Variants in SEMA3B observed in about 807,000 individuals in gnomAD.
SEMA3B encodes the protein semaphorin-3B.
Under a neutral mutation model 77.8 loss-of-function variants are expected in SEMA3B, and 71 were observed. The ratio of observed to expected loss-of-function variants is 0.91; its 90% CI spans 0.75 to 1.11. The LOEUF (loss-of-function observed/expected upper bound fraction) is 1.11. Among genes scored for constraint, SEMA3B ranks in the 50% most tolerant of loss-of-function variants. The probability of loss-of-function intolerance (pLI) is 0.00; values close to 1 mark genes in which losing one functional copy is unlikely to be tolerated. For missense variants in SEMA3B, 968 were observed against 1,056.8 expected, an observed-to-expected ratio of 0.92 and a Z score of 1.17; for synonymous variants, 470 against 452.9, an observed-to-expected ratio of 1.04 and a Z score of -0.48.
chr3:50,273,070 A>C lies in SEMA3B; in HGVS notation c.665-228A>C. The stretch of plus-strand genomic sequence containing the variant: ...GGGCTTCACGCCTGCGCCCCCAGGT[A>C]GCCACGGTCTCTGCTGCCCCCTCGC... On this transcript the variant is annotated intron_variant, in intron 6 of 16. Coordinates refer to ENST00000616701, the MANE Select transcript of SEMA3B (RefSeq NM_001290060.2). This position sits in a 1 kb window ranked among gnomAD's most constrained non-coding sequence, Gnocchi z 6.5. 1 of 575,310 alleles carries C rather than the reference A, an allele frequency of 1.7e-6. No homozygotes were observed. The highest frequency in any genetic ancestry group is 2.9e-6 in the Non-Finnish European group (1 of 344,880). The allele number at this position is 575,310 out of a possible 1,614,324, so 35.6% of individuals were successfully genotyped here.
At chr3:50,263,039 T>A (rs782326389), upstream of SEMA3B, 4 of 152,122 alleles carry the variant, frequency 2.6e-5, no homozygotes, top group Non-Finnish European at 5.9e-5. Context: ...AGAAGACGGG[T>A]GACAGCCAAG....
At position 50,274,816 on chromosome 3, in the gene SEMA3B, G is replaced by T. The variant is rs372978569; in HGVS notation, c.1358-27G>T. 4.2e-5 allele frequency: 67 copies of T among 1,606,168 alleles called. No individual in the cohort carries two copies. The African/African-American group carries it at 8.7e-4, about 21-fold the overall frequency. ...GCCCCAGCTGTCCGGGAGCACCAAT[G>T]GTCATTACCCCTTCTCATCCCTGCA... On this transcript the variant is annotated intron_variant, in intron 11 of 16. Transcript: ENST00000616701. This position sits in a 1 kb window ranked among gnomAD's most constrained non-coding sequence, Gnocchi z 4.7.
In SEMA3B at chr3:50,275,180, G is replaced by C; in HGVS notation, c.1492-122G>C. 2 of 1,460,330 alleles carry C rather than the reference G, an allele frequency of 1.4e-6. No individual in the cohort carries two copies. Among genetic ancestry groups the C allele is most frequent in the Non-Finnish European group, 1.8e-6 (2 of 1,099,762 alleles). 90.5% of individuals were successfully genotyped at this position (1,460,330 alleles called of 1,614,324 possible). On this transcript the variant is annotated intron_variant, in intron 13 of 16. Coordinates refer to ENST00000616701, the MANE Select transcript of SEMA3B (RefSeq NM_001290060.2). This position sits in a 1 kb window ranked among gnomAD's most constrained non-coding sequence, Gnocchi z 7.5. The stretch of plus-strand genomic sequence containing the variant: ...GTACAGGCTCTGGCTTTGTTAGACT[G>C]TGTGACCTGAGGCGTAAGACCTCAG...
chr3:50,273,834 G>A lies in SEMA3B; in HGVS notation c.992+6G>A. 1 of 1,574,376 alleles carries A rather than the reference G, an allele frequency of 6.4e-7. No homozygotes were observed. Among genetic ancestry groups the A allele is most frequent in the South Asian group, 1.1e-5 (1 of 87,080 alleles). Reference sequence around the variant, plus strand: ...GCCGTCTTCTCCACGTCCAGGTGAGGGGCAGGAGGTAGGGAGCGCCCGGGG... The same window carrying A: ...GCCGTCTTCTCCACGTCCAGGTGAGAGGCAGGAGGTAGGGAGCGCCCGGGG... On this transcript the variant is annotated splice_donor_region_variant and intron_variant, in intron 9 of 16. Transcript: ENST00000616701. This position sits in a 1 kb window ranked among gnomAD's most constrained non-coding sequence, Gnocchi z 6.5.
Position 50,276,910 on chromosome 3 carries a change from G to A in SEMA3B, c.*204G>A. 3.5e-6 allele frequency: 2 copies of A among 575,686 alleles called. No individual in the cohort carries two copies. Among genetic ancestry groups the A allele is most frequent in the African/African-American group, 3.9e-5 (2 of 50,672 alleles). 35.7% of individuals were successfully genotyped at this position (575,686 alleles called of 1,614,324 possible). On this transcript the variant is annotated 3_prime_UTR_variant, in exon 17 of 17. Transcript: ENST00000616701. The surrounding 1 kb of genome is among the most constrained non-coding windows in gnomAD (Gnocchi z 5.8). ...ACCCTTGAATGTAGCAGCCCCGGGA[G>A]GGCGGCACAGGTCGGGCGCAGGATT... is the stretch of plus-strand genomic sequence containing the variant.
At position 50,270,621 on chromosome 3, in the gene SEMA3B, G is replaced by A. The variant is rs1575467407; in HGVS notation, c.330+126G>A. ...AGGGCAGGGAGGTCGAGGTGGCTGA[G>A]GTCTGGGGGTGGTGAGTCAGGGTGG... On this transcript the variant is annotated intron_variant, in intron 3 of 16. Transcript: ENST00000616701. The surrounding 1 kb of genome is among the most constrained non-coding windows in gnomAD (Gnocchi z 4.7). 1.5e-6 allele frequency: 2 copies of A among 1,357,520 alleles called. No homozygotes were observed. Among genetic ancestry groups the A allele is most frequent in the East Asian group, 2.4e-5 (1 of 41,596 alleles). 84.1% of individuals were successfully genotyped at this position (1,357,520 alleles called of 1,614,324 possible).
At chr3:50,271,610 C>T in intron 6 of SEMA3B, 130 bp downstream of exon 6, 11 of 1,326,266 alleles carry the variant, frequency 8.3e-6, no homozygotes, top group Non-Finnish European at 1.0e-5. Context: ...TAATCAGGCA[C>T]TGGCGTCACA....
chr3:50,276,104 TA>T lies in SEMA3B; in HGVS notation c.1846-195del. On this transcript the variant is annotated intron_variant, in intron 16 of 16. Transcript: ENST00000616701. The surrounding 1 kb of genome is among the most constrained non-coding windows in gnomAD (Gnocchi z 5.8). ...CTGACCACCCCCCACCAAGTTCATG[TA>T]AACCCCGCCTCTTTCGGATTCTCCC... 1.3e-6 allele frequency: 1 copy of T among 792,112 alleles called. No individual in the cohort carries two copies. Among genetic ancestry groups the T allele is most frequent in the Non-Finnish European group, 1.9e-6 (1 of 537,130 alleles). The allele number at this position is 792,112 out of a possible 1,614,324, so 49.1% of individuals were successfully genotyped here.
At position 50,270,002 on chromosome 3, in the gene SEMA3B, G is replaced by A. The variant is rs1701001592; in HGVS notation, c.110-125G>A. The A allele has an allele frequency of 3.7e-6, 4 of 1,069,400 alleles. No individual in the cohort carries two copies. The highest frequency in any genetic ancestry group is 6.3e-4 in the Middle Eastern group (2 of 3,160). The allele number at this position is 1,069,400 out of a possible 1,614,324, so 66.2% of individuals were successfully genotyped here. On this transcript the variant is annotated intron_variant, in intron 1 of 16. Coordinates refer to ENST00000616701, the MANE Select transcript of SEMA3B (RefSeq NM_001290060.2). This position sits in a 1 kb window ranked among gnomAD's most constrained non-coding sequence, Gnocchi z 4.7. ...TTTGCGTGTGTAAACTCACACACAT[G>A]TAAACTCACATGTGTACAGGCCAGG...
At position 50,276,727 on chromosome 3, in the gene SEMA3B, G is replaced by A. The variant is rs781944551; in HGVS notation, c.*21G>A. ...GGTGACCAGACTGTCCCCACGCCGG[G>A]AACCAAGCAGGAGACGACAGGCGAG... On this transcript the variant is annotated 3_prime_UTR_variant, in exon 17 of 17. Transcript: ENST00000616701. This position sits in a 1 kb window ranked among gnomAD's most constrained non-coding sequence, Gnocchi z 5.8. The A allele has an allele frequency of 6.8e-7, 1 of 1,471,110 alleles. No individual in the cohort carries two copies. Among genetic ancestry groups the A allele is most frequent in the Non-Finnish European group, 8.9e-7 (1 of 1,120,586 alleles). 91.1% of individuals were successfully genotyped at this position (1,471,110 alleles called of 1,614,324 possible). A position where few individuals can be genotyped will look rare whatever the true frequency, so the allele number is the denominator to read the frequency against.
rs1575467502 is a variant in SEMA3B at position 50,270,683 on chromosome 3, T to C, written c.330+188T>C. On this transcript the variant is annotated intron_variant, in intron 3 of 16. Transcript: ENST00000616701. The surrounding 1 kb of genome is among the most constrained non-coding windows in gnomAD (Gnocchi z 4.7). ...ATTCTTCTGGGGTGCCTCTGAGTCA[T>C]GGGAGGCTTTGCAGGCCTGTGCTTC... The C allele has an allele frequency of 1.7e-6, 2 of 1,150,566 alleles. No homozygotes were observed. The highest frequency in any genetic ancestry group is 2.6e-5 in the East Asian group (1 of 38,722). The allele number at this position is 1,150,566 out of a possible 1,614,324, so 71.3% of individuals were successfully genotyped here. A position where few individuals can be genotyped will look rare whatever the true frequency, so the allele number is the denominator to read the frequency against.
intron 6 of SEMA3B, among the ~76,000 whole-genome samples, chr3:50,271,967 C>CAGAGTCATTTATTCTA (rs1255772918): frequency 6.6e-6 from 1 of 152,162 alleles, no homozygotes; most frequent in Non-Finnish European, 1.5e-5. Context: ...TGTCAGGGGC[C>CAGAGTCATTTATTCTA]AGAGTCATTT....
the SEMA3B span, chr3:50,260,428 A>C: frequency 6.6e-6 from 1 of 152,112 alleles, no homozygotes; most frequent in African/African-American, 2.4e-5. Flanking sequence ...CAGGAGATGA[A>C]AGGCTGCTGC....
rs782506368 is a variant in SEMA3B at position 50,276,587 on chromosome 3, C to G, written c.2131C>G (p.Arg711Gly). 3 of 1,563,298 alleles carry G rather than the reference C, an allele frequency of 1.9e-6. No individual in the cohort carries two copies. The highest frequency in any genetic ancestry group is 1.2e-5 in the South Asian group (1 of 85,590). ...GGSANSLRMCRPQPALQSLPL... is the reference protein window; with the variant it reads ...GGSANSLRMCGPQPALQSLPL... ...CAGCGCGAACTCCCTGCGCATGTGCCGCCCGCAGCCTGCGCTGCAGTCACT... is the reference window on the plus strand; with the variant it reads ...CAGCGCGAACTCCCTGCGCATGTGCGGCCCGCAGCCTGCGCTGCAGTCACT... The change falls in exon 17 of 17, where the codon CGC becomes GGC. Residue 711 changes from arginine (R) to glycine (G), a missense_variant. Coordinates refer to ENST00000616701, the MANE Select transcript of SEMA3B (RefSeq NM_001290060.2). This position sits in a 1 kb window ranked among gnomAD's most constrained non-coding sequence, Gnocchi z 5.8.
chr3:50,270,549 A>C lies in SEMA3B; in HGVS notation c.330+54A>C. The C allele has an allele frequency of 4.3e-6, 7 of 1,609,454 alleles. No individual in the cohort carries two copies. The highest frequency in any genetic ancestry group is 5.9e-6 in the Non-Finnish European group (7 of 1,177,680). The stretch of plus-strand genomic sequence containing the variant: ...GGGGAGGGTCAGCCCCTCACCCCAG[A>C]GACAGGGCAGGGCTAAAACAGAGGC... On this transcript the variant is annotated intron_variant, in intron 3 of 16. Transcript: ENST00000616701. The surrounding 1 kb of genome is among the most constrained non-coding windows in gnomAD (Gnocchi z 4.7).
Position 50,276,683 on chromosome 3 carries a change from C to T in SEMA3B, c.2227C>T (p.Pro743Ser), listed in dbSNP as rs2109253061. 1 of 1,548,962 alleles carries T rather than the reference C, an allele frequency of 6.5e-7. No homozygotes were observed. The highest frequency in any genetic ancestry group is 8.7e-7 in the Non-Finnish European group (1 of 1,155,736). ...HAPEPRAERG[P>S]RSATHW Reference sequence around the variant, plus strand: ...CCCTGAGCCTCGCGCTGAGCGGGGGCCGCGCAGCGCAACGCACTGGTGACC... The same window carrying T: ...CCCTGAGCCTCGCGCTGAGCGGGGGTCGCGCAGCGCAACGCACTGGTGACC... The change falls in exon 17 of 17, where the codon CCG becomes TCG. Residue 743 changes from proline to serine, a missense_variant. Pro to Ser is a moderately conservative substitution (Grantham distance 74, BLOSUM62 -1). Transcript: ENST00000616701. This position sits in a 1 kb window ranked among gnomAD's most constrained non-coding sequence, Gnocchi z 5.8.
Position 50,275,755 on chromosome 3 carries a change from A to G in SEMA3B, c.1756A>G (p.Ser586Gly), listed in dbSNP as rs782330422. Residue 586 changes from serine to glycine, a missense_variant, in exon 16 of 17, where the codon AGC (serine) becomes GGC (glycine). By Grantham distance (56) the Ser-to-Gly change is moderately conservative. Transcript: ENST00000616701. The surrounding 1 kb of genome is among the most constrained non-coding windows in gnomAD (Gnocchi z 7.5). ...ACACAAGGTGTTCGGCGTGGAGGGC[A>G]GCAGCGCCTTTCTGGAGTGTGAGCC... ...LEHKVFGVEG[S>G]SAFLECEPRS... 4.3e-6 allele frequency: 7 copies of G among 1,613,284 alleles called. No individual in the cohort carries two copies. The highest frequency in any genetic ancestry group is 5.9e-6 in the Non-Finnish European group (7 of 1,179,838).
In SEMA3B at chr3:50,273,394, C is replaced by A; in HGVS notation, c.761C>A (p.Ala254Glu). 6.2e-7 allele frequency: 1 copy of A among 1,613,828 alleles called. No homozygotes were observed. The highest frequency in any genetic ancestry group is 8.5e-7 in the Non-Finnish European group (1 of 1,179,856). Residue 254 changes from alanine (A) to glutamate (E), a missense_variant, in exon 7 of 17, where the codon GCG (alanine) becomes GAG (glutamate). Transcript: ENST00000616701. The surrounding 1 kb of genome is among the most constrained non-coding windows in gnomAD (Gnocchi z 6.5). ...FFFRETAVEA[A>E]PALGRLSVSR... ...TTTCGTGAGACGGCGGTAGAGGCGG[C>A]GCCGGCACTGGGACGCCTGTCCGTG...
Position 50,276,955 on chromosome 3 carries a change from G to A in SEMA3B, c.*249G>A, listed in dbSNP as rs907481766. 2 of 461,130 alleles carry A rather than the reference G, an allele frequency of 4.3e-6. No individual in the cohort carries two copies. The highest frequency in any genetic ancestry group is 7.4e-6 in the Non-Finnish European group (2 of 269,038). 28.6% of individuals were successfully genotyped at this position (461,130 alleles called of 1,614,324 possible). A position where few individuals can be genotyped will look rare whatever the true frequency, so the allele number is the denominator to read the frequency against. ...AGGATTCAGCCGGAGGGAAGGGACG[G>A]GGAAGCCGAGCTCCAGAGCAACGAC... On this transcript the variant is annotated 3_prime_UTR_variant, in exon 17 of 17. Transcript: ENST00000616701. The surrounding 1 kb of genome is among the most constrained non-coding windows in gnomAD (Gnocchi z 5.8).
Sources: gnomAD v4.1 joint callset for allele counts (sites outside exome capture counted in the v4.1 genomes callset) on GRCh38, gnomAD v4.1.1 for gene constraint, Gnocchi (gnomAD v3.1) non-coding constraint, MANE v1.5 for transcripts, NCBI Gene and HGNC (gene_info 2026-07-23, HGNC 2026-07-21) for gene names.